Variants in GOLGA7B observed in about 807,000 individuals in gnomAD.
GOLGA7B encodes the protein golgin A7 family member B.
Under a neutral mutation model 21.5 loss-of-function variants are expected in GOLGA7B, and 17 were observed. The observed-to-expected ratio is 0.79, with a 90% CI of 0.54 to 1.19. GOLGA7B has a LOEUF of 1.19. GOLGA7B is among the 50% of genes most tolerant of loss of function. The pLI is 0.00. For synonymous variants in GOLGA7B, 87 were observed against 84.0 expected (o/e 1.04, Z -0.19); for missense variants, 169 against 224.4 (o/e 0.75, Z 1.58).
At chr10:97,859,610 A>G in intron 2 of GOLGA7B, 27 bp downstream of exon 2, 1 of 1,611,114 alleles carries the variant, frequency 6.2e-7, no homozygotes, top group Non-Finnish European at 8.5e-7. Flanking sequence ...CTGCACTTGG[A>G]ACCCAGGGCT....
intron 1 of GOLGA7B, among the ~76,000 whole-genome samples, chr10:97,858,328 A>T (rs1463399943): frequency 6.6e-6 from 1 of 152,130 alleles, no homozygotes; most frequent in Non-Finnish European, 1.5e-5. Flanking sequence ...GCACCCCCAG[A>T]GCTTGGCACT....
chr10:97,863,446 G>A (rs2049984549), intron 2 of GOLGA7B, among the ~76,000 whole-genome samples: 1 of 152,144 alleles, frequency 6.6e-6, no homozygotes, highest in Non-Finnish European at 1.5e-5. Flanking sequence ...CTGGAGAGAT[G>A]CCCCTGAGGT....
chr10:97,853,258 A>G (rs900638642), intron 1 of GOLGA7B, among the ~76,000 whole-genome samples: 1 of 152,122 alleles, frequency 6.6e-6, no homozygotes, highest in Non-Finnish European at 1.5e-5. Flanking sequence ...CCCAGCCAGG[A>G]AGCAGAGTGC....
At chr10:97,851,865 A>G (rs1321888583) in intron 1 of GOLGA7B, among the ~76,000 whole-genome samples, 2 of 152,252 alleles carry the variant, frequency 1.3e-5, no homozygotes, top group Non-Finnish European at 2.9e-5. Flanking sequence ...GGAGGCTGCT[A>G]TGAGACATGT....
intron 4 of GOLGA7B, 44 bp downstream of exon 4, chr10:97,864,313 A>G (rs761948280): frequency 6.6e-7 from 1 of 1,523,186 alleles, no homozygotes; most frequent in South Asian, 1.1e-5. Context: ...AGGACTGCTA[A>G]CCAGTAGAGA....
At chr10:97,851,713 C>T (rs1298397544) in intron 1 of GOLGA7B, among the ~76,000 whole-genome samples, 1 of 152,222 alleles carries the variant, frequency 6.6e-6, no homozygotes, top group African/African-American at 2.4e-5. Context: ...CATGGCTGGG[C>T]CAGCAGCGTG....
chr10:97,858,694 A>T (rs1258951556), intron 1 of GOLGA7B, among the ~76,000 whole-genome samples: 2 of 152,152 alleles, frequency 1.3e-5, no homozygotes, highest in African/African-American at 4.8e-5. Flanking sequence ...TATTCTCTGG[A>T]GAAGTTTGGA....
At chr10:97,861,223 G>T (rs1421815415) in intron 2 of GOLGA7B, among the ~76,000 whole-genome samples, 1 of 152,244 alleles carries the variant, frequency 6.6e-6, no homozygotes, top group African/African-American at 2.4e-5. Context: ...GGGCCAGAAA[G>T]AAGTGACTTA....
rs1644717723 is a variant in GOLGA7B, at chr10:97,867,055, A to G, written c.*1355A>G. 6.6e-6 allele frequency: 1 copy of G among 152,266 alleles called. No individual in the cohort carries two copies. The highest frequency in any genetic ancestry group is 6.5e-5 in the Admixed American group (1 of 15,292). 9.4% of individuals were successfully genotyped at this position (152,266 alleles called of 1,614,324 possible). ...AAGAGAAGCCGGGGTTCTAGGAAAG[A>G]AGAGCCAAACTTTGGTGGCCTTTGG... On this transcript the variant is annotated 3_prime_UTR_variant, in exon 5 of 5. Transcript: ENST00000370602.
chr10:97,864,506 CAT>C (rs1240745716), intron 4 of GOLGA7B, among the ~76,000 whole-genome samples: 1 of 152,212 alleles, frequency 6.6e-6, no homozygotes, highest in African/African-American at 2.4e-5. Context: ...TGCCAGCTAT[CAT>C]GTGAAGTGCT....
chr10:97,856,125 T>C (rs539030242), intron 1 of GOLGA7B, among the ~76,000 whole-genome samples: 1 of 152,352 alleles, frequency 6.6e-6, no homozygotes, highest in Admixed American at 6.5e-5. Context: ...TGCATGTTTG[T>C]TACATGGGTA....
intron 1 of GOLGA7B, among the ~76,000 whole-genome samples, chr10:97,851,498 G>A (rs752521475): frequency 6.6e-6 from 1 of 152,216 alleles, no homozygotes. Context: ...TCAGGACTTG[G>A]TGTGAGGGCA....
chr10:97,850,217 A>ACCGCCG lies in GOLGA7B; in HGVS notation c.-81_-76dup, dbSNP rs1222223836. 2 of 900,112 alleles carry ACCGCCG rather than the reference A, an allele frequency of 2.2e-6. No individual in the cohort carries two copies. Among genetic ancestry groups the ACCGCCG allele is most frequent in the Admixed American group, 4.7e-5 (1 of 21,208 alleles). 55.8% of individuals were successfully genotyped at this position (900,112 alleles called of 1,614,324 possible). ...GCGCCCCGGGCCCCAGCTCGCCGCC[A>ACCGCCG]CCGCCGCCGCCCACCTGCTCCCGGG... On this transcript the variant is annotated 5_prime_UTR_variant, in exon 1 of 5. Transcript: ENST00000370602.
In GOLGA7B at chr10:97,869,591, G is replaced by A. The variant is rs1282807697; in HGVS notation, c.*3891G>A. ...TCCTTTGGCCACAGGGCGGGTGTGT[G>A]TGAAACCACAGGGTTTACAGAAGCT... is the stretch of plus-strand genomic sequence containing the variant. On this transcript the variant is annotated 3_prime_UTR_variant, in exon 5 of 5. Transcript: ENST00000370602. 1 of 152,388 alleles carries A rather than the reference G, an allele frequency of 6.6e-6. No individual in the cohort carries two copies. Among genetic ancestry groups the A allele is most frequent in the African/African-American group, 2.4e-5 (1 of 41,486 alleles). The allele number at this position is 152,388 out of a possible 1,614,324, so 9.4% of individuals were successfully genotyped here. A position where few individuals can be genotyped will look rare whatever the true frequency, so the allele number is the denominator to read the frequency against.
At chr10:97,864,327 TG>T in intron 4 of GOLGA7B, 58 bp downstream of exon 4, 1 of 1,460,988 alleles carries the variant, frequency 6.8e-7, no homozygotes, top group Middle Eastern at 1.7e-4. Flanking sequence ...GTAGAGATCC[TG>T]GTGAGGCTGC....
rs1302511518 is a variant in GOLGA7B at position 97,871,102 on chromosome 10, G to C, written c.*5402G>C. 6.6e-6 allele frequency: 1 copy of C among 152,154 alleles called. No homozygotes were observed. The highest frequency in any genetic ancestry group is 1.5e-5 in the Non-Finnish European group (1 of 68,028). The allele number at this position is 152,154 out of a possible 1,614,324, so 9.4% of individuals were successfully genotyped here. ...CGGAGGTTTCCGCATGAGCCTTCTC[G>C]GGCGACTTCTAGGAGGATTTATTCC... On this transcript the variant is annotated 3_prime_UTR_variant, in exon 5 of 5. Transcript: ENST00000370602.
At chr10:97,858,523 A>G (rs2136515177) in intron 1 of GOLGA7B, among the ~76,000 whole-genome samples, 1 of 152,288 alleles carries the variant, frequency 6.6e-6, no homozygotes, top group East Asian at 1.9e-4. Flanking sequence ...AGGTGGAAAA[A>G]GTGGGCTTGT....
At position 97,857,543 on chromosome 10, in the gene GOLGA7B, G is replaced by A. The variant is rs868282741; in HGVS notation, c.13-1915G>A. 4.5e-4 allele frequency among the ~76,000 whole-genome samples: 69 copies of A among 151,884 alleles called. 2 individuals carry two copies. The highest frequency in any genetic ancestry group is 5.9e-5 in the Non-Finnish European group (4 of 67,982). On this transcript the variant is annotated intron_variant, in intron 1 of 4. Coordinates refer to ENST00000370602, the MANE Select transcript of GOLGA7B (RefSeq NM_001010917.3). ...ATCAACATCATTAAAATGACCATGCGGCCCAAAGCAATCTACAGATTTAAC... is the reference window on the plus strand; with the variant it reads ...ATCAACATCATTAAAATGACCATGCAGCCCAAAGCAATCTACAGATTTAAC...
At chr10:97,854,205 TCC>T (rs2136512954) in intron 1 of GOLGA7B, among the ~76,000 whole-genome samples, 1 of 152,296 alleles carries the variant, frequency 6.6e-6, no homozygotes, top group South Asian at 2.1e-4. Flanking sequence ...GCATTCATAA[TCC>T]CTGATAAAGC....
Sources: allele counts gnomAD v4.1 joint callset (sites outside exome capture counted in the v4.1 genomes callset), GRCh38; gene constraint gnomAD v4.1.1; transcripts MANE v1.5; gene names NCBI Gene and HGNC (gene_info 2026-07-23, HGNC 2026-07-21).